Variants in KLHL13 observed in about 807,000 individuals in gnomAD.
KLHL13 encodes kelch-like protein 13.
In KLHL13, 10 loss-of-function variants were observed where a neutral mutation model predicts 37.1. The ratio of observed to expected loss-of-function variants is 0.27; its 90% CI spans 0.17 to 0.46. The LOEUF is 0.46. KLHL13 is among the 20% of genes least tolerant of loss of function. The pLI is 1.00. For missense variants in KLHL13, 360 were observed against 509.3 expected (o/e 0.71, Z 2.82); for synonymous variants, 163 against 181.2 (o/e 0.90, Z 0.81).
intron 2 of KLHL13, among the ~76,000 whole-genome samples, chrX:117,926,185 T>G (rs187112554): frequency 4.5e-5 from 5 of 111,654 alleles, no homozygotes; most frequent in African/African-American, 1.6e-4. Flanking sequence ...TTTAAAAACA[T>G]TGAAGGAAAG....
chrX:118,032,405 G>C (rs1179552374), intron 1 of KLHL13, among the ~76,000 whole-genome samples: 1 of 111,870 alleles, frequency 8.9e-6, no homozygotes, highest in East Asian at 2.8e-4. Context: ...AGAACGGGCA[G>C]ACTGCCTCTT....
chrX:118,035,544 C>T (rs781696499), intron 1 of KLHL13, among the ~76,000 whole-genome samples: 13 of 108,454 alleles, frequency 1.2e-4, no homozygotes, highest in Non-Finnish European at 2.1e-4. Context: ...ATTCAACAAC[C>T]CTTCATGCTA....
chrX:118,032,379 C>T (rs1006536439), intron 1 of KLHL13, among the ~76,000 whole-genome samples: 18 of 111,842 alleles, frequency 1.6e-4, no homozygotes, highest in Non-Finnish European at 2.3e-4. Context: ...TCTCCCAGCA[C>T]GCAGCTGGAG....
chrX:118,085,796 GGTGTGTGTGTGTGTGTGT>G (rs4025518), intron 1 of KLHL13, among the ~76,000 whole-genome samples: 9 of 85,623 alleles, frequency 1.1e-4, no homozygotes, highest in Non-Finnish European at 1.4e-4. Flanking sequence ...AATATTCCAT[GGTGTGTGTGTGTGTGTGT>G]GTGTGTGTGT....
intron 1 of KLHL13, among the ~76,000 whole-genome samples, chrX:118,053,847 GAGGA>G: frequency 3.7e-4 from 8 of 21,638 alleles, no homozygotes; most frequent in African/African-American, 2.1e-3. Flanking sequence ...GAGAGAGAGA[GAGGA>G]GAGAGAGAGA....
chrX:118,062,566 AC>A (rs1359618733), intron 1 of KLHL13, among the ~76,000 whole-genome samples: 1 of 110,813 alleles, frequency 9.0e-6, no homozygotes, highest in African/African-American at 3.3e-5. Context: ...AGAAGTAGGT[AC>A]AAGCATTCAC....
chrX:117,944,525 C>T (rs1034878404), intron 2 of KLHL13, among the ~76,000 whole-genome samples: 2 of 111,375 alleles, frequency 1.8e-5, no homozygotes, highest in East Asian at 2.8e-4. Context: ...AAACCTTGTC[C>T]CTCATTATAT....
At chrX:118,053,603 C>A (rs1459205873) in intron 1 of KLHL13, among the ~76,000 whole-genome samples, 3 of 109,570 alleles carry the variant, frequency 2.7e-5, no homozygotes, top group Non-Finnish European at 5.7e-5. Context: ...AATAAACCTG[C>A]ACGTTGTGCA....
At chrX:117,984,673 C>T (rs2053703428) in intron 1 of KLHL13, among the ~76,000 whole-genome samples, 1 of 111,121 alleles carries the variant, frequency 9.0e-6, no homozygotes, top group Non-Finnish European at 1.9e-5. Context: ...TTTTAAAATG[C>T]TATACACATA....
chrX:118,083,364 T>C (rs1362331622), intron 1 of KLHL13, among the ~76,000 whole-genome samples: 1 of 111,883 alleles, frequency 8.9e-6, no homozygotes, highest in African/African-American at 3.2e-5. Flanking sequence ...TAATTTTTAA[T>C]GTTGTATACA....
At chrX:118,094,925 A>G (rs1242430673) in intron 1 of KLHL13, among the ~76,000 whole-genome samples, 2 of 112,006 alleles carry the variant, frequency 1.8e-5, no homozygotes, top group Non-Finnish European at 3.8e-5. Context: ...GGTACCAGCC[A>G]CTGCAAAAAC....
In KLHL13 at chrX:117,956,522, C is replaced by A. The variant is rs139396945; in HGVS notation, c.99-10947G>T. 5.3e-4 allele frequency among the ~76,000 whole-genome samples: 60 copies of A among 112,180 alleles called. No individual in the cohort carries two copies. In the East Asian group the frequency reaches 0.016, roughly 29 times the overall value. On this transcript the variant is annotated intron_variant, in intron 1 of 6. Coordinates refer to ENST00000262820, the Ensembl canonical transcript of KLHL13. ...AAATTGAAGATAACTGGAGCGTTTT[C>A]AGATTGTGTGTACATGTGTTTTGCA...
chrX:118,020,124 A>G (rs1458205483), intron 1 of KLHL13, among the ~76,000 whole-genome samples: 1 of 109,781 alleles, frequency 9.1e-6, no homozygotes, highest in African/African-American at 3.3e-5. Flanking sequence ...CCTACCCATG[A>G]GCATGGAATG....
At chrX:118,112,502 C>T (rs756699416) in intron 1 of KLHL13, among the ~76,000 whole-genome samples, 35 of 111,727 alleles carry the variant, frequency 3.1e-4, no homozygotes, top group African/African-American at 1.0e-3. Context: ...AAAGGCATGG[C>T]ATCCATTTGA....
rs1479012364 is a variant in KLHL13 at position 118,110,371 on chromosome X, C to CT, written c.-56+6136dup. 9.2e-3 allele frequency among the ~76,000 whole-genome samples: 905 copies of CT among 98,177 alleles called. 20 individuals carry two copies. Among genetic ancestry groups the CT allele is most frequent in the African/African-American group, 0.033 (832 of 25,511 alleles). The allele number at this position is 98,177 out of a possible 115,157, so 85.3% of individuals were successfully genotyped here. A position where few individuals can be genotyped will look rare whatever the true frequency, so the allele number is the denominator to read the frequency against. The stretch of plus-strand genomic sequence containing the variant: ...CTTTCTCTTTTCTACTTTTCTATTT[C>CT]TTTTTCTTTTTTTTTTTTTTTTTTT... On this transcript the variant is annotated intron_variant, in intron 1 of 6. Transcript: ENST00000371882.
At chrX:117,965,177 T>C (rs947048655) in intron 1 of KLHL13, among the ~76,000 whole-genome samples, 1 of 111,886 alleles carries the variant, frequency 8.9e-6, no homozygotes, top group African/African-American at 3.3e-5. Context: ...ACTTCCACAA[T>C]GGTTGAACTA....
chrX:118,020,955 C>CACAG (rs1327214995), intron 1 of KLHL13, among the ~76,000 whole-genome samples: 2 of 80,365 alleles, frequency 2.5e-5, no homozygotes, highest in African/African-American at 1.0e-4. Context: ...AACACATGGA[C>CACAG]ACAGGAAGGG....
At chrX:117,987,821 T>G in intron 1 of KLHL13, among the ~76,000 whole-genome samples, 1 of 112,109 alleles carries the variant, frequency 8.9e-6, no homozygotes, top group East Asian at 2.8e-4. Flanking sequence ...TCCTTCTTTT[T>G]TATTGAGTGA....
intron 2 of KLHL13, among the ~76,000 whole-genome samples, chrX:117,938,669 A>G (rs2147775791): frequency 8.9e-6 from 1 of 111,771 alleles, no homozygotes; most frequent in African/African-American, 3.3e-5. Flanking sequence ...GCTTTAACTC[A>G]TGACTACTAT....
Sources: gnomAD v4.1 joint callset for allele counts (sites outside exome capture counted in the v4.1 genomes callset) on GRCh38, gnomAD v4.1.1 for gene constraint, MANE v1.5 for transcripts, NCBI Gene and HGNC (gene_info 2026-07-23, HGNC 2026-07-21) for gene names.